The following ELOVL4 variants were observed in gnomAD, a reference collection of about 807,000 sequenced individuals.
ELOVL4 encodes ELOVL fatty acid elongase 4.
In ELOVL4, 18 loss-of-function variants were observed where a neutral mutation model predicts 42.1. The ratio of observed to expected loss-of-function variants is 0.43; its 90% CI spans 0.30 to 0.63. ELOVL4 has a LOEUF of 0.63. Among genes scored for constraint, ELOVL4 ranks in the 30% least tolerant of loss-of-function variants. The probability of loss-of-function intolerance (pLI) is 0.15; values close to 1 mark genes in which losing one functional copy is unlikely to be tolerated. For synonymous variants in ELOVL4, 117 were observed against 127.0 expected, an observed-to-expected ratio of 0.92 and a Z score of 0.53; for missense variants, 299 against 376.2, an observed-to-expected ratio of 0.79 and a Z score of 1.70.
chr6:79,926,124 G>T, intron 2 of ELOVL4, 70 bp downstream of exon 2: 2 of 1,335,372 alleles, frequency 1.5e-6, no homozygotes, highest in Non-Finnish European at 2.1e-6. Context: ...TACAATGATG[G>T]TTTTACACAT....
At position 79,921,728 on chromosome 6, in the gene ELOVL4, A is replaced by G. The variant is rs1774260012; in HGVS notation, c.438T>C (p.Ile146=). Residue 146 remains isoleucine, a synonymous_variant, in exon 4 of 6, where the codon ATT becomes ATC. Coordinates refer to ENST00000369816, the MANE Select transcript of ELOVL4 (RefSeq NM_022726.4). ...GVEYLDTVFF[I]LRKKNNQVSF... ...AAACTTGGTTGTTTTTCTTTCTCAG[A>G]ATAAAAAACACTGTGTCCAAATACT... 2 of 1,614,118 alleles carry G rather than the reference A, an allele frequency of 1.2e-6. No homozygotes were observed. The highest frequency in any genetic ancestry group is 8.5e-7 in the Non-Finnish European group (1 of 1,179,976).
intron 1 of ELOVL4, among the ~76,000 whole-genome samples, chr6:79,933,455 C>T (rs972582434): frequency 6.6e-6 from 1 of 151,990 alleles, no homozygotes; most frequent in African/African-American, 2.4e-5. Flanking sequence ...GGCCCTGAAC[C>T]CCTGAGCTCA....
At chr6:79,925,254 T>C (rs543846162) in intron 2 of ELOVL4, among the ~76,000 whole-genome samples, 1 of 152,342 alleles carries the variant, frequency 6.6e-6, no homozygotes, top group East Asian at 1.9e-4. Context: ...GTAAATTTTA[T>C]ACTGAACATT....
chr6:79,919,222 A>G (rs1174397020), intron 5 of ELOVL4, among the ~76,000 whole-genome samples, 198 bp downstream of exon 5: 1 of 152,108 alleles, frequency 6.6e-6, no homozygotes, highest in Non-Finnish European at 1.5e-5. Flanking sequence ...AGCATATTAT[A>G]AAAACAAAGA....
Position 79,919,527 on chromosome 6 carries a change from T to A in ELOVL4, c.562A>T (p.Asn188Tyr). 1 of 1,613,516 alleles carries A rather than the reference T, an allele frequency of 6.2e-7. No individual in the cohort carries two copies. Among genetic ancestry groups the A allele is most frequent in the Non-Finnish European group, 8.5e-7 (1 of 1,179,756 alleles). Residue 188 changes from asparagine to tyrosine, a missense_variant, in exon 5 of 6, where the codon AAT becomes TAT. By Grantham distance (143) the Asn-to-Tyr change is moderately radical. Transcript: ENST00000369816. ...TACATAATCACATGGATAAAGGAAT[T>A]CAACTGGGCTCCAAAAAATGCTTTA... ...GGQAFFGAQL[N>Y]SFIHVIMYSY...
chr6:79,923,112 T>C (rs1582046366), intron 3 of ELOVL4, among the ~76,000 whole-genome samples: 1 of 152,140 alleles, frequency 6.6e-6, no homozygotes, highest in South Asian at 2.1e-4. Context: ...ACAATTCACA[T>C]AAAATAACAA....
Position 79,916,298 on chromosome 6 carries a change from C to A in ELOVL4, c.*310G>T. ...CCGAAGAATGAGTGACTATAAGATA[C>A]ATGAAAAATCTCATCCTTTAGACAA... On this transcript the variant is annotated 3_prime_UTR_variant, in exon 6 of 6. Coordinates refer to ENST00000369816, the MANE Select transcript of ELOVL4 (RefSeq NM_022726.4). 1 of 333,762 alleles carries A rather than the reference C, an allele frequency of 3.0e-6. No individual in the cohort carries two copies. The highest frequency in any genetic ancestry group is 3.8e-5 in the South Asian group (1 of 26,524). 20.7% of individuals were successfully genotyped at this position (333,762 alleles called of 1,614,324 possible). A position where few individuals can be genotyped will look rare whatever the true frequency, so the allele number is the denominator to read the frequency against.
intron 3 of ELOVL4, among the ~76,000 whole-genome samples, chr6:79,922,941 C>T (rs1378039806): frequency 6.6e-6 from 1 of 152,032 alleles, no homozygotes; most frequent in African/African-American, 2.4e-5. Context: ...TGAAAATAAG[C>T]TTGAAATAGT....
At chr6:79,918,938 G>T (rs1314737426) in intron 5 of ELOVL4, among the ~76,000 whole-genome samples, 1 of 152,032 alleles carries the variant, frequency 6.6e-6, no homozygotes, top group African/African-American at 2.4e-5. Flanking sequence ...CCCTTCCTTG[G>T]CTATGTGCTT....
At chr6:79,922,115 C>G (rs116447988) in intron 3 of ELOVL4, among the ~76,000 whole-genome samples, 1 of 152,154 alleles carries the variant, frequency 6.6e-6, no homozygotes, top group Non-Finnish European at 1.5e-5. Context: ...TGCTTTTCAA[C>G]TTGGTAGAGG....
At chr6:79,921,486 A>G (rs904999621) in intron 4 of ELOVL4, 139 bp downstream of exon 4, 49 of 584,206 alleles carry the variant, frequency 8.4e-5, no homozygotes, top group Non-Finnish European at 1.2e-4. Context: ...AAAAAAAAAA[A>G]AAAGAAATGA....
At chr6:79,946,201 TA>T (rs1774738063) in intron 1 of ELOVL4, among the ~76,000 whole-genome samples, 1 of 152,266 alleles carries the variant, frequency 6.6e-6, no homozygotes, top group East Asian at 1.9e-4. Context: ...ATTGACCTCG[TA>T]AAATCATTTC....
chr6:79,939,829 CAT>C (rs768041340), intron 1 of ELOVL4, among the ~76,000 whole-genome samples: 216 of 152,216 alleles, frequency 1.4e-3, no homozygotes, highest in Non-Finnish European at 1.5e-3. Context: ...GTAGAGGGTC[CAT>C]ATAAGTGGAA....
In ELOVL4 at chr6:79,916,686, AT is replaced by A; in HGVS notation, c.866del (p.Asn289MetfsTer3). ...GKTAMNGISA[N>X]GVSKSEKQLM... ...GTTGTTTTTCTGATTTGCTCACACC[AT>A]TTGCTGAAATACCATTCATGGCTGT... is the stretch of plus-strand genomic sequence containing the variant. On this transcript the variant is annotated frameshift_variant, in exon 6 of 6. Coordinates refer to ENST00000369816, the MANE Select transcript of ELOVL4 (RefSeq NM_022726.4). LOFTEE classifies it high-confidence loss of function. 1 of 1,613,962 alleles carries A rather than the reference AT, an allele frequency of 6.2e-7. No individual in the cohort carries two copies. The highest frequency in any genetic ancestry group is 8.5e-7 in the Non-Finnish European group (1 of 1,180,004).
intron 1 of ELOVL4, 95 bp from the exon 2 acceptor site, chr6:79,926,476 T>C: frequency 8.1e-7 from 1 of 1,228,722 alleles, no homozygotes; most frequent in Non-Finnish European, 1.2e-6. Flanking sequence ...CTTAATTTCC[T>C]AATTTGACTA....
Position 79,916,001 on chromosome 6 carries a change from C to T in ELOVL4, c.*607G>A, listed in dbSNP as rs993080764. 9.8e-5 allele frequency: 15 copies of T among 152,880 alleles called. No homozygotes were observed. Among genetic ancestry groups the T allele is most frequent in the Non-Finnish European group, 1.8e-4 (12 of 68,292 alleles). 9.5% of individuals were successfully genotyped at this position (152,880 alleles called of 1,614,324 possible). On this transcript the variant is annotated 3_prime_UTR_variant, in exon 6 of 6. Coordinates refer to ENST00000369816, the MANE Select transcript of ELOVL4 (RefSeq NM_022726.4). ...TTACTGCAATTCTTTCTTATTTTCACCAACACCATCATCATCAAGCCTCTA... is the reference window on the plus strand; with the variant it reads ...TTACTGCAATTCTTTCTTATTTTCATCAACACCATCATCATCAAGCCTCTA...
intron 3 of ELOVL4, among the ~76,000 whole-genome samples, chr6:79,924,178 T>C (rs1476360605): frequency 2.0e-5 from 3 of 152,216 alleles, no homozygotes; most frequent in Admixed American, 1.3e-4. Flanking sequence ...TGTTTTATTT[T>C]TCTGCAAATA....
chr6:79,917,110 A>G (rs1240390925), intron 5 of ELOVL4, among the ~76,000 whole-genome samples: 2 of 148,816 alleles, frequency 1.3e-5, no homozygotes, highest in Admixed American at 1.3e-4. Context: ...TCCCAATCCC[A>G]TTAACCAAAG....
intron 1 of ELOVL4, among the ~76,000 whole-genome samples, chr6:79,932,011 T>C (rs1328787238): frequency 1.3e-5 from 2 of 152,212 alleles, no homozygotes; most frequent in Non-Finnish European, 2.9e-5. Flanking sequence ...CTAAGGCACA[T>C]TACACCTTAA....
Sources: allele counts gnomAD v4.1 joint callset (sites outside exome capture counted in the v4.1 genomes callset), GRCh38; gene constraint gnomAD v4.1.1; transcripts MANE v1.5; gene names NCBI Gene and HGNC (gene_info 2026-07-23, HGNC 2026-07-21).